Variants in PDZRN4 observed in about 807,000 individuals in gnomAD.
PDZRN4 encodes the protein PDZ domain containing ring finger 4, also known as PDZ domain-containing RING finger protein 4.
A neutral mutation model predicts 99.0 loss-of-function variants in PDZRN4; 70 were observed. The ratio of observed to expected loss-of-function variants is 0.71; its 90% CI spans 0.58 to 0.86. PDZRN4 has a LOEUF of 0.86. Among genes scored for constraint, PDZRN4 ranks in the 40% least tolerant of loss-of-function variants. The pLI is 0.00. For synonymous variants in PDZRN4, 551 were observed against 501.6 expected (o/e 1.10, Z -1.32); for missense variants, 1,474 against 1,331.2 (o/e 1.11, Z -1.67).
At chr12:41,446,054 C>T (rs1952725091) in intron 3 of PDZRN4, among the ~76,000 whole-genome samples, 2 of 150,466 alleles carry the variant, frequency 1.3e-5, no homozygotes, top group South Asian at 4.2e-4. Flanking sequence ...TACTTTATTG[C>T]TTCCCTCAAC....
In PDZRN4 at chr12:41,194,163, T is replaced by C; in HGVS notation, c.818T>C (p.Leu273Pro). The C allele has an allele frequency of 1.3e-6, 2 of 1,522,564 alleles. No individual in the cohort carries two copies. The highest frequency in any genetic ancestry group is 1.1e-5 in the South Asian group (1 of 89,308). 94.3% of individuals were successfully genotyped at this position (1,522,564 alleles called of 1,614,324 possible). ...ENGPADRADG[L>P]EIHDKIMEVN... is the part of the protein sequence containing the mutation. The stretch of plus-strand genomic sequence containing the variant: ...GGACCTGCTGACAGAGCAGATGGCC[T>C]GGAGATTCATGACAAAATCATGGAG... Residue 273 changes from leucine (L) to proline (P), a missense_variant, in exon 3 of 10, where the codon CTG becomes CCG. Transcript: ENST00000402685.
At chr12:41,439,228 C>T (rs1952656701) in intron 3 of PDZRN4, among the ~76,000 whole-genome samples, 1 of 152,082 alleles carries the variant, frequency 6.6e-6, no homozygotes, top group Non-Finnish European at 1.5e-5. Context: ...GTTAATTACA[C>T]CAGGGGCAAT....
chr12:41,342,367 A>C (rs1030309904), intron 3 of PDZRN4, among the ~76,000 whole-genome samples: 3 of 151,900 alleles, frequency 2.0e-5, no homozygotes, highest in African/African-American at 7.2e-5. Flanking sequence ...CAACAAACTA[A>C]AATGCTTTGC....
chr12:41,516,836 T>A (rs184679827), intron 5 of PDZRN4, among the ~76,000 whole-genome samples: 3 of 152,078 alleles, frequency 2.0e-5, no homozygotes, highest in African/African-American at 7.2e-5. Flanking sequence ...GCTTTTATAC[T>A]TATTGAACTT....
In PDZRN4 at chr12:41,572,588, T is replaced by A; in HGVS notation, c.1809T>A (p.Asn603Lys). 6.2e-7 allele frequency: 1 copy of A among 1,614,124 alleles called. No individual in the cohort carries two copies. Among genetic ancestry groups the A allele is most frequent in the African/African-American group, 1.3e-5 (1 of 75,058 alleles). The change falls in exon 10 of 10, where the codon AAT becomes AAA. Residue 603 changes from asparagine to lysine, a missense_variant. Asn to Lys is a moderately conservative substitution (Grantham distance 94). Transcript: ENST00000402685. The part of the protein sequence containing the change: ...DTLGSVELQY[N>K]ESLVSGEYID... ...TGGGAAGTGTTGAACTTCAGTACAA[T>A]GAGAGCCTCGTATCTGGTGAATACA... is the stretch of plus-strand genomic sequence containing the variant.
chr12:41,312,467 T>C (rs939943998), intron 3 of PDZRN4, among the ~76,000 whole-genome samples: 2 of 152,154 alleles, frequency 1.3e-5, no homozygotes, highest in African/African-American at 4.8e-5. Context: ...TGGCCTTCTG[T>C]ATTAGTCTGT....
chr12:41,545,240 C>T (rs544752422), intron 5 of PDZRN4, among the ~76,000 whole-genome samples: 65 of 152,280 alleles, frequency 4.3e-4, no homozygotes, highest in Non-Finnish European at 6.9e-4. Context: ...TAGTGTTCAC[C>T]ATGACCCCTC....
chr12:41,525,809 A>G (rs1938558033), intron 5 of PDZRN4, among the ~76,000 whole-genome samples: 1 of 152,168 alleles, frequency 6.6e-6, no homozygotes, highest in Non-Finnish European at 1.5e-5. Context: ...TCTGAGAAAC[A>G]TAGTAGGTCT....
chr12:41,197,971 G>A (rs2120653910), intron 3 of PDZRN4, among the ~76,000 whole-genome samples: 1 of 130,096 alleles, frequency 7.7e-6, no homozygotes, highest in African/African-American at 2.9e-5. Context: ...CTGGAATGCA[G>A]TGGCATGATC....
At chr12:41,466,989 C>T (rs897428879) in intron 3 of PDZRN4, among the ~76,000 whole-genome samples, 7 of 152,296 alleles carry the variant, frequency 4.6e-5, no homozygotes, top group African/African-American at 9.6e-5. Context: ...CTGCTGCTGA[C>T]GCACCTCTGT....
At chr12:41,203,034 T>C (rs553408239) in intron 3 of PDZRN4, among the ~76,000 whole-genome samples, 2 of 152,104 alleles carry the variant, frequency 1.3e-5, no homozygotes, top group South Asian at 4.1e-4. Flanking sequence ...AAACATTTGT[T>C]AGTTATAGAA....
chr12:41,471,088 G>A (rs544113768), intron 3 of PDZRN4, among the ~76,000 whole-genome samples: 11 of 152,300 alleles, frequency 7.2e-5, no homozygotes, highest in South Asian at 2.1e-4. Flanking sequence ...TGAACACAGC[G>A]GTGGTTGGAA....
chr12:41,416,830 T>G (rs987663458), intron 3 of PDZRN4, among the ~76,000 whole-genome samples: 1 of 152,198 alleles, frequency 6.6e-6, no homozygotes, highest in African/African-American at 2.4e-5. Context: ...TAGGATTTGG[T>G]CTATTCTTAG....
chr12:41,232,242 T>C (rs1292136912), intron 3 of PDZRN4, among the ~76,000 whole-genome samples: 1 of 152,088 alleles, frequency 6.6e-6, no homozygotes, highest in East Asian at 1.9e-4. Flanking sequence ...TTGCGGAATA[T>C]TTATTTTCAT....
intron 3 of PDZRN4, among the ~76,000 whole-genome samples, chr12:41,290,120 C>T (rs1384375716): frequency 6.6e-6 from 1 of 152,184 alleles, no homozygotes; most frequent in Non-Finnish European, 1.5e-5. Flanking sequence ...TGCTTGAGAT[C>T]CATTGTGCTT....
intron 3 of PDZRN4, among the ~76,000 whole-genome samples, chr12:41,245,505 A>G (rs1322957427): frequency 1.3e-5 from 2 of 152,190 alleles, no homozygotes; most frequent in Non-Finnish European, 2.9e-5. Flanking sequence ...TTTTGTATAC[A>G]CTGAAATATA....
At chr12:41,202,292 G>C (rs773427349) in intron 3 of PDZRN4, among the ~76,000 whole-genome samples, 39 of 152,086 alleles carry the variant, frequency 2.6e-4, no homozygotes, top group Non-Finnish European at 3.1e-4. Flanking sequence ...AGCTCACTGA[G>C]CTTGATGCTG....
intron 3 of PDZRN4, among the ~76,000 whole-genome samples, chr12:41,233,985 A>C (rs1951048519): frequency 6.6e-6 from 1 of 152,168 alleles, no homozygotes; most frequent in Non-Finnish European, 1.5e-5. Flanking sequence ...TTCCAGATGT[A>C]GCAGAGAATC....
chr12:41,403,387 C>G (rs1565573729), intron 3 of PDZRN4, among the ~76,000 whole-genome samples: 1 of 152,042 alleles, frequency 6.6e-6, no homozygotes, highest in African/African-American at 2.4e-5. Flanking sequence ...ATTTTGAAAC[C>G]TCTTTTGCTC....
Sources: allele counts gnomAD v4.1 joint callset (sites outside exome capture counted in the v4.1 genomes callset), GRCh38; gene constraint gnomAD v4.1.1; transcripts MANE v1.5; gene names NCBI Gene and HGNC (gene_info 2026-07-23, HGNC 2026-07-21).